CPA6: variants seen among roughly 807,000 people sequenced by gnomAD.
The protein encoded by CPA6 is carboxypeptidase A6.
In CPA6, 58 loss-of-function variants were observed where a neutral mutation model predicts 63.3. The observed-to-expected ratio is 0.92, with a 90% CI of 0.74 to 1.14. CPA6 has a LOEUF of 1.14. Ranked by LOEUF, CPA6 falls within the 50% of genes most tolerant of loss-of-function variation. The pLI, the probability that CPA6 is intolerant of heterozygous loss-of-function variation, is 0.00. For missense variants in CPA6, 565 were observed against 526.6 expected (o/e 1.07, Z -0.71); for synonymous variants, 185 against 179.0 (o/e 1.03, Z -0.27).
intron 8 of CPA6, among the ~76,000 whole-genome samples, chr8:67,460,057 A>C (rs535273843): frequency 8.5e-5 from 13 of 152,312 alleles, no homozygotes; most frequent in African/African-American, 2.6e-4. Flanking sequence ...ACTCTCACCC[A>C]GTCAGAATTT....
At chr8:67,607,103 TCTTTCCTCCTCCTCCTCC>T (rs1564021066) in intron 2 of CPA6, among the ~76,000 whole-genome samples, 1 of 145,984 alleles carries the variant, frequency 6.9e-6, no homozygotes, top group Non-Finnish European at 1.5e-5. Flanking sequence ...TTCTTCTTCT[TCTTTCCTCCTCCTCCTCC>T]TCCTCCTCCT....
intron 10 of CPA6, among the ~76,000 whole-genome samples, chr8:67,426,172 T>C (rs1429393402): frequency 6.6e-6 from 1 of 152,242 alleles, no homozygotes; most frequent in African/African-American, 2.4e-5. Context: ...TTTTGCCATG[T>C]TGGCCCGGCT....
At chr8:67,691,290 A>T (rs187143645) in intron 1 of CPA6, among the ~76,000 whole-genome samples, 80 of 152,328 alleles carry the variant, frequency 5.3e-4, no homozygotes, top group Middle Eastern at 3.4e-3. Flanking sequence ...GACTATCAAT[A>T]TCTTTGTGTT....
intron 8 of CPA6, among the ~76,000 whole-genome samples, chr8:67,438,020 G>A (rs983637751): frequency 7.9e-5 from 12 of 152,122 alleles, no homozygotes; most frequent in African/African-American, 2.7e-4. Flanking sequence ...GAGTTCAAGT[G>A]ATTCTCCTGC....
intron 1 of CPA6, among the ~76,000 whole-genome samples, chr8:67,658,990 A>G (rs2128992587): frequency 6.6e-6 from 1 of 152,304 alleles, no homozygotes; most frequent in East Asian, 1.9e-4. Context: ...AAGCAGGAAA[A>G]TTGTATTTTT....
chr8:67,549,631 C>T (rs1046790268), intron 2 of CPA6, among the ~76,000 whole-genome samples: 2 of 152,164 alleles, frequency 1.3e-5, no homozygotes, highest in Non-Finnish European at 2.9e-5. Flanking sequence ...GACTAATGAT[C>T]TCCATTTCCC....
intron 2 of CPA6, among the ~76,000 whole-genome samples, chr8:67,603,856 T>C (rs1814558476): frequency 6.6e-6 from 1 of 152,234 alleles, no homozygotes; most frequent in African/African-American, 2.4e-5. Flanking sequence ...TTGCCTCCAC[T>C]CTCTTTCATA....
intron 1 of CPA6, among the ~76,000 whole-genome samples, chr8:67,629,493 A>AAAT (rs1241243604): frequency 4.8e-4 from 73 of 151,826 alleles, no homozygotes; most frequent in African/African-American, 1.8e-3. Flanking sequence ...AAAAAAAAAA[A>AAAT]AAAATAAGAC....
At chr8:67,670,500 TAGGTAATACTCTTAA>T (rs1227797857) in intron 1 of CPA6, among the ~76,000 whole-genome samples, 1 of 152,176 alleles carries the variant, frequency 6.6e-6, no homozygotes, top group African/African-American at 2.4e-5. Flanking sequence ...GCAGCATGGT[TAGGTAATACTCTTAA>T]AGTGAAGGTT....
intron 6 of CPA6, among the ~76,000 whole-genome samples, chr8:67,506,078 A>T (rs1811920286): frequency 6.6e-6 from 1 of 152,084 alleles, no homozygotes; most frequent in South Asian, 2.1e-4. Context: ...AAACCATGAA[A>T]GATATTACAT....
chr8:67,673,322 T>C (rs1353531818), intron 1 of CPA6, among the ~76,000 whole-genome samples: 3 of 151,108 alleles, frequency 2.0e-5, no homozygotes, highest in African/African-American at 7.3e-5. Flanking sequence ...TGTTCAGTGT[T>C]GCATGATTTT....
chr8:67,621,417 C>T (rs990096234), intron 2 of CPA6, among the ~76,000 whole-genome samples: 10 of 152,268 alleles, frequency 6.6e-5, no homozygotes, highest in South Asian at 2.1e-4. Context: ...CTAGGCTCCA[C>T]TGCCCTGCAA....
At chr8:67,630,512 G>C (rs954299986) in intron 1 of CPA6, among the ~76,000 whole-genome samples, 1 of 152,212 alleles carries the variant, frequency 6.6e-6, no homozygotes, top group Admixed American at 6.5e-5. Flanking sequence ...AGGACCTGCT[G>C]TACCACCTTT....
In CPA6 at chr8:67,585,507, G is replaced by C. The variant is rs571718892; in HGVS notation, c.192+38669C>G. Among the ~76,000 whole-genome samples the C allele has an allele frequency of 2.3e-4, 35 of 152,162 alleles. No homozygotes were observed. In the East Asian group the frequency reaches 6.6e-3, roughly 29 times the overall value. On this transcript the variant is annotated intron_variant, in intron 2 of 10. Transcript: ENST00000297770. ...TTGTTAGACATGGGGGCATGAGTTA[G>C]CAGTTCCTGCATACATTCTCGGTAG... is the stretch of plus-strand genomic sequence containing the variant.
At chr8:67,471,680 T>C (rs1184792695) in intron 8 of CPA6, among the ~76,000 whole-genome samples, 1 of 152,190 alleles carries the variant, frequency 6.6e-6, no homozygotes, top group East Asian at 1.9e-4. Context: ...CAAACAAATA[T>C]AAAAGGTGGT....
At chr8:67,550,244 G>A (rs187575145) in intron 2 of CPA6, among the ~76,000 whole-genome samples, 2 of 152,036 alleles carry the variant, frequency 1.3e-5, no homozygotes, top group East Asian at 1.9e-4. Flanking sequence ...TCATCTTTAT[G>A]TCCGTGAGTA....
At chr8:67,462,617 G>T (rs1188854333) in intron 8 of CPA6, among the ~76,000 whole-genome samples, 1 of 152,164 alleles carries the variant, frequency 6.6e-6, no homozygotes, top group Non-Finnish European at 1.5e-5. Flanking sequence ...AAAGCAATGT[G>T]TAATATTGCC....
At chr8:67,611,115 C>T (rs1034190979) in intron 2 of CPA6, among the ~76,000 whole-genome samples, 8 of 149,718 alleles carry the variant, frequency 5.3e-5, no homozygotes, top group Non-Finnish European at 8.9e-5. Flanking sequence ...TGGAGTATTG[C>T]TCTGTCGCCT....
At chr8:67,478,060 A>T (rs1811281216) in intron 8 of CPA6, among the ~76,000 whole-genome samples, 1 of 152,156 alleles carries the variant, frequency 6.6e-6, no homozygotes, top group Non-Finnish European at 1.5e-5. Context: ...CCAAGGCATG[A>T]TGAGAGGGTT....
Sources: allele counts gnomAD v4.1 joint callset (sites outside exome capture counted in the v4.1 genomes callset), GRCh38; gene constraint gnomAD v4.1.1; transcripts MANE v1.5; gene names NCBI Gene and HGNC (gene_info 2026-07-23, HGNC 2026-07-21).